RBL1: variants seen among roughly 807,000 people sequenced by gnomAD.
RBL1 encodes the protein retinoblastoma-like protein 1.
A neutral mutation model predicts 123.0 loss-of-function variants in RBL1; 82 were observed. That is an observed-to-expected ratio of 0.67 (90% CI 0.56 to 0.80). The LOEUF is 0.80. RBL1 is among the 30% of genes least tolerant of loss of function. The pLI is 0.00. For missense variants in RBL1, 1,171 were observed against 1,299.6 expected, an observed-to-expected ratio of 0.90 and a Z score of 1.52; for synonymous variants, 405 against 441.3, an observed-to-expected ratio of 0.92 and a Z score of 1.03.
At chr20:37,042,908 A>C (rs1030206070) in intron 13 of RBL1, among the ~76,000 whole-genome samples, 14,840 of 119,092 alleles carry the variant, frequency 0.12, 1,489 homozygotes, top group East Asian at 0.51. Context: ...CCCCCCCTCC[A>C]AAAAAAAAAA....
intron 20 of RBL1, among the ~76,000 whole-genome samples, chr20:37,006,069 T>C (rs191293596): frequency 3.3e-5 from 5 of 151,482 alleles, no homozygotes; most frequent in East Asian, 1.9e-4. Flanking sequence ...GGCTAGTTTT[T>C]AGTTTTTTTT....
chr20:37,095,196 A>G (rs546352142), intron 1 of RBL1, among the ~76,000 whole-genome samples: 37 of 152,304 alleles, frequency 2.4e-4, no homozygotes, highest in African/African-American at 8.7e-4. Context: ...TCGTGTGCAC[A>G]TTGGCTTTGA....
At chr20:37,087,279 G>A (rs988286020) in intron 2 of RBL1, among the ~76,000 whole-genome samples, 3 of 151,718 alleles carry the variant, frequency 2.0e-5, no homozygotes, top group Admixed American at 6.6e-5. Flanking sequence ...AGGTTGCAAC[G>A]AGTCCAGATT....
intron 7 of RBL1, among the ~76,000 whole-genome samples, chr20:37,063,364 T>C (rs2065126628): frequency 6.6e-6 from 1 of 151,872 alleles, no homozygotes; most frequent in African/African-American, 2.4e-5. Flanking sequence ...TTAAATGCCA[T>C]TTGGCTGGGT....
At chr20:37,031,746 T>A (rs944771932) in intron 16 of RBL1, among the ~76,000 whole-genome samples, 4 of 152,144 alleles carry the variant, frequency 2.6e-5, no homozygotes, top group African/African-American at 9.7e-5. Flanking sequence ...TTGCTATTTT[T>A]TTTTCTTCTT....
intron 12 of RBL1, among the ~76,000 whole-genome samples, chr20:37,046,008 GTTA>G (rs1340772879): frequency 2.0e-5 from 3 of 152,270 alleles, no homozygotes; most frequent in East Asian, 1.9e-4. Flanking sequence ...ATGACTAAAC[GTTA>G]TTGAGGGTGA....
At chr20:37,035,186 C>T (rs2146252188) in intron 15 of RBL1, 56 bp downstream of exon 15, 1 of 1,475,336 alleles carries the variant, frequency 6.8e-7, no homozygotes, top group Non-Finnish European at 9.2e-7. Flanking sequence ...TCCACTAAGA[C>T]ATTTCTTAAA....
intron 16 of RBL1, among the ~76,000 whole-genome samples, chr20:37,031,198 T>TTAA (rs1206963064): frequency 6.6e-6 from 1 of 152,128 alleles, no homozygotes; most frequent in Admixed American, 6.6e-5. Context: ...ATAAATTGAC[T>TTAA]TTATTAAGAT....
chr20:36,999,599 C>G (rs6103158), intron 21 of RBL1, among the ~76,000 whole-genome samples: 4,277 of 152,054 alleles, frequency 0.028, 91 homozygotes, highest in African/African-American at 0.08. Flanking sequence ...CTGCCTGATT[C>G]TCCTGCCTCA....
intron 2 of RBL1, among the ~76,000 whole-genome samples, chr20:37,085,739 C>T (rs778247107): frequency 3.3e-5 from 5 of 150,332 alleles, no homozygotes; most frequent in South Asian, 2.1e-4. Flanking sequence ...CTATAAGCGC[C>T]GCCTCCTGGG....
intron 11 of RBL1, among the ~76,000 whole-genome samples, chr20:37,052,788 A>G (rs541164086): frequency 1.3e-5 from 2 of 151,178 alleles, no homozygotes; most frequent in East Asian, 3.9e-4. Context: ...AGGATTAGAG[A>G]TGTGAGCTAC....
At chr20:37,041,254 C>T (rs976554861) in intron 13 of RBL1, among the ~76,000 whole-genome samples, 5 of 152,152 alleles carry the variant, frequency 3.3e-5, no homozygotes, top group Admixed American at 6.5e-5. Flanking sequence ...CAATTTCTCA[C>T]GATACTACTA....
chr20:37,043,694 C>T (rs1317666558), intron 13 of RBL1, among the ~76,000 whole-genome samples: 2 of 151,946 alleles, frequency 1.3e-5, no homozygotes, highest in African/African-American at 2.4e-5. Context: ...AATGAAATAC[C>T]GATACATTCT....
chr20:37,036,238 T>C (rs2064608933), intron 14 of RBL1, among the ~76,000 whole-genome samples: 1 of 152,158 alleles, frequency 6.6e-6, no homozygotes, highest in Non-Finnish European at 1.5e-5. Context: ...CTCAACCAAT[T>C]ATTCCTTACA....
At chr20:37,035,766 T>G (rs1312784011) in intron 14 of RBL1, among the ~76,000 whole-genome samples, 2 of 152,158 alleles carry the variant, frequency 1.3e-5, no homozygotes, top group Non-Finnish European at 2.9e-5. Flanking sequence ...AGCAAAACAT[T>G]AAGGACAAAG....
At chr20:37,025,919 AT>A (rs1170835171) in intron 16 of RBL1, among the ~76,000 whole-genome samples, 1 of 151,810 alleles carries the variant, frequency 6.6e-6, no homozygotes. Flanking sequence ...ATTTTTTTGT[AT>A]TTTAAGTAGA....
At chr20:37,044,631 G>A (rs1257995452) in intron 12 of RBL1, among the ~76,000 whole-genome samples, 1 of 150,510 alleles carries the variant, frequency 6.6e-6, no homozygotes, top group Non-Finnish European at 1.5e-5. Context: ...GAGCCACTGC[G>A]CCCGGCCACT....
At chr20:37,049,352 G>A (rs1282312446) in intron 11 of RBL1, 2 of 694,988 alleles carry the variant, frequency 2.9e-6, no homozygotes, top group Non-Finnish European at 5.2e-6. Context: ...TCCAGGATAA[G>A]GAAGGAATTC....
At position 37,047,070 on chromosome 20, in the gene RBL1, G is replaced by T; in HGVS notation, c.1588C>A (p.Pro530Thr). Residue 530 changes from proline (P) to threonine (T), a missense_variant, in exon 12 of 22, where the codon CCA (proline) becomes ACA (threonine). Transcript: ENST00000373664. ...PWIIEVLNLQ[P>T]FYFYKVIEVV... is the part of the protein sequence containing the mutation. ...CATCTCACCTTATAAAAGTAAAATG[G>T]TTGCAAGTTGAGAACTTCAATAATC... 1.3e-6 allele frequency: 2 copies of T among 1,586,092 alleles called. No homozygotes were observed. The highest frequency in any genetic ancestry group is 1.4e-5 in the African/African-American group (1 of 73,088).
Sources: allele counts gnomAD v4.1 joint callset (sites outside exome capture counted in the v4.1 genomes callset), GRCh38; gene constraint gnomAD v4.1.1; transcripts MANE v1.5; gene names NCBI Gene and HGNC (gene_info 2026-07-23, HGNC 2026-07-21).